Variants in PALLD observed in about 807,000 individuals in gnomAD.
PALLD encodes the protein palladin, cytoskeletal associated protein, also known as palladin.
Under a neutral mutation model 123.5 loss-of-function variants are expected in PALLD, and 61 were observed. The ratio of observed to expected loss-of-function variants is 0.49; its 90% CI spans 0.40 to 0.61. The LOEUF is 0.61. PALLD is among the 20% of genes least tolerant of loss of function. PALLD has a pLI of 0.00. For missense variants in PALLD, 1,273 were observed against 1,377.0 expected (o/e 0.92, Z 1.20); for synonymous variants, 465 against 496.4 (o/e 0.94, Z 0.84).
At chr4:168,890,570 C>T (rs189775331) in intron 10 of PALLD, among the ~76,000 whole-genome samples, 23 of 152,170 alleles carry the variant, frequency 1.5e-4, no homozygotes, top group South Asian at 2.1e-4. Context: ...AAACTTAATA[C>T]GAGATAGAGT....
intron 10 of PALLD, among the ~76,000 whole-genome samples, chr4:168,858,440 A>G (rs1407545746): frequency 6.6e-6 from 1 of 152,164 alleles, no homozygotes; most frequent in East Asian, 1.9e-4. Flanking sequence ...TCTCTGAGAT[A>G]CTGGTTTTTG....
At chr4:168,856,846 G>T (rs1449811930) in intron 10 of PALLD, among the ~76,000 whole-genome samples, 1 of 152,188 alleles carries the variant, frequency 6.6e-6, no homozygotes, top group Non-Finnish European at 1.5e-5. Context: ...ACTCCTAGAG[G>T]ATGGAAGGGT....
chr4:168,891,587 C>A (rs913925804), intron 11 of PALLD, among the ~76,000 whole-genome samples: 1 of 151,822 alleles, frequency 6.6e-6, no homozygotes, highest in Non-Finnish European at 1.5e-5. Context: ...TGCAAAAAAC[C>A]TTTCTAAGAG....
chr4:168,864,696 A>C (rs996613197), intron 10 of PALLD: 4 of 152,254 alleles, frequency 2.6e-5, no homozygotes, highest in Admixed American at 6.5e-5. Flanking sequence ...GGTGTGCAAC[A>C]AACTTCATTA....
At chr4:168,756,996 T>C (rs1184748129) in intron 10 of PALLD, among the ~76,000 whole-genome samples, 2 of 152,258 alleles carry the variant, frequency 1.3e-5, no homozygotes, top group Non-Finnish European at 2.9e-5. Flanking sequence ...AAATGAGTGA[T>C]CCATTTTATC....
At chr4:168,813,458 A>G (rs1387704663) in intron 10 of PALLD, among the ~76,000 whole-genome samples, 1 of 152,042 alleles carries the variant, frequency 6.6e-6, no homozygotes, top group East Asian at 1.9e-4. Flanking sequence ...TGATTGGTTG[A>G]TTGGTTGGTT....
At chr4:168,652,395 G>C (rs570362598) in intron 2 of PALLD, among the ~76,000 whole-genome samples, 2 of 152,106 alleles carry the variant, frequency 1.3e-5, no homozygotes, top group Non-Finnish European at 2.9e-5. Context: ...GCTCTCAAAT[G>C]GGCCTTTGAA....
intron 10 of PALLD, among the ~76,000 whole-genome samples, chr4:168,858,286 C>T (rs1170183158): frequency 6.6e-6 from 1 of 152,130 alleles, no homozygotes; most frequent in Non-Finnish European, 1.5e-5. Flanking sequence ...TTAAGTTATA[C>T]ACTCATAAAT....
At chr4:168,875,280 G>T (rs1751596322) in intron 10 of PALLD, among the ~76,000 whole-genome samples, 1 of 151,882 alleles carries the variant, frequency 6.6e-6, no homozygotes, top group African/African-American at 2.4e-5. Context: ...AAAGCTATAG[G>T]CAACCTTGCC....
intron 10 of PALLD, among the ~76,000 whole-genome samples, chr4:168,874,091 T>G (rs565784022): frequency 1.1e-4 from 16 of 152,356 alleles, no homozygotes; most frequent in East Asian, 7.7e-4. Context: ...GATTTGATTT[T>G]ATTCTGCTAT....
At chr4:168,800,577 T>A (rs1324673714) in intron 10 of PALLD, among the ~76,000 whole-genome samples, 1 of 152,184 alleles carries the variant, frequency 6.6e-6, no homozygotes, top group Non-Finnish European at 1.5e-5. Flanking sequence ...CACACCCATT[T>A]AATTGGCAAA....
chr4:168,784,292 C>G (rs145140323), intron 10 of PALLD, among the ~76,000 whole-genome samples: 79 of 151,532 alleles, frequency 5.2e-4, no homozygotes, highest in African/African-American at 1.8e-3. Context: ...GTGATTGTGC[C>G]ACTGCACTTC....
At chr4:168,528,450 T>G (rs1353857211) in intron 2 of PALLD, among the ~76,000 whole-genome samples, 2 of 152,246 alleles carry the variant, frequency 1.3e-5, no homozygotes, top group African/African-American at 2.4e-5. Flanking sequence ...TCACTCTCTG[T>G]CAATGAGAAA....
chr4:168,695,673 G>T (rs550574969), intron 8 of PALLD, among the ~76,000 whole-genome samples: 137 of 152,292 alleles, frequency 9.0e-4, no homozygotes, highest in African/African-American at 3.2e-3. Flanking sequence ...GATTCCAAGA[G>T]AGGTGGTACA....
intron 2 of PALLD, among the ~76,000 whole-genome samples, chr4:168,554,706 C>G (rs1412360018): frequency 6.6e-6 from 1 of 151,984 alleles, no homozygotes; most frequent in Non-Finnish European, 1.5e-5. Flanking sequence ...ATAAAGAAAC[C>G]TTTTTATATT....
intron 2 of PALLD, among the ~76,000 whole-genome samples, chr4:168,518,162 G>C (rs11930102): frequency 6.6e-6 from 1 of 151,608 alleles, no homozygotes; most frequent in Non-Finnish European, 1.5e-5. Context: ...CACACCCCAA[G>C]TCCAATTCAT....
intron 10 of PALLD, among the ~76,000 whole-genome samples, chr4:168,752,571 GT>G (rs1372803114): frequency 6.6e-6 from 1 of 152,160 alleles, no homozygotes; most frequent in Non-Finnish European, 1.5e-5. Flanking sequence ...CTTTTTAAAA[GT>G]CTGTTGTACA....
At chr4:168,629,057 C>T (rs1468587471) in intron 2 of PALLD, among the ~76,000 whole-genome samples, 1 of 150,652 alleles carries the variant, frequency 6.6e-6, no homozygotes, top group African/African-American at 2.4e-5. Context: ...ACTCTTGTCG[C>T]CCAGGCTGGA....
At chr4:168,903,665 G>A in intron 14 of PALLD, 92 bp from the exon 15 acceptor site, 1 of 1,041,766 alleles carries the variant, frequency 9.6e-7, no homozygotes, top group Non-Finnish European at 1.5e-6. Context: ...ACTCAGATCA[G>A]CTCTGCAAAC....
Sources: gnomAD v4.1 joint callset for allele counts (sites outside exome capture counted in the v4.1 genomes callset) on GRCh38, gnomAD v4.1.1 for gene constraint, MANE v1.5 for transcripts, NCBI Gene and HGNC (gene_info 2026-07-23, HGNC 2026-07-21) for gene names.